Variants in SLC35F3 observed in about 807,000 individuals in gnomAD.
SLC35F3 encodes the protein solute carrier family 35 member F3, also known as putative thiamine transporter SLC35F3.
A neutral mutation model predicts 49.9 loss-of-function variants in SLC35F3; 25 were observed. That is an observed-to-expected ratio of 0.50 (90% CI 0.37 to 0.70). SLC35F3 has a LOEUF of 0.70. Among genes scored for constraint, SLC35F3 ranks in the 30% least tolerant of loss-of-function variants. SLC35F3 has a pLI of 0.00. For synonymous variants in SLC35F3, 275 were observed against 265.4 expected, an observed-to-expected ratio of 1.04 and a Z score of -0.35; for missense variants, 525 against 639.8, an observed-to-expected ratio of 0.82 and a Z score of 1.94.
chr1:234,126,229 CCTT>C (rs1665645192), intron 2 of SLC35F3, among the ~76,000 whole-genome samples: 1 of 152,192 alleles, frequency 6.6e-6, no homozygotes, highest in South Asian at 2.1e-4. Flanking sequence ...CCCCTTGAAG[CCTT>C]CTCCTCTCCC....
chr1:233,944,441 A>G (rs1349888288), intron 2 of SLC35F3, among the ~76,000 whole-genome samples: 1 of 152,146 alleles, frequency 6.6e-6, no homozygotes, highest in African/African-American at 2.4e-5. Flanking sequence ...ACAATTCTCA[A>G]TATTTTCTAG....
intron 2 of SLC35F3, among the ~76,000 whole-genome samples, chr1:233,975,044 T>C: frequency 6.6e-6 from 1 of 152,240 alleles, no homozygotes; most frequent in Non-Finnish European, 1.5e-5. Context: ...GTAGAGGCTC[T>C]GAACAAGTGA....
chr1:234,007,862 T>C (rs1177822568), intron 2 of SLC35F3, among the ~76,000 whole-genome samples: 1 of 152,200 alleles, frequency 6.6e-6, no homozygotes, highest in Non-Finnish European at 1.5e-5. Flanking sequence ...TGGAGTCCTA[T>C]TGGATCTGCA....
intron 2 of SLC35F3, among the ~76,000 whole-genome samples, chr1:233,962,988 G>A (rs1455022500): frequency 1.3e-5 from 2 of 152,222 alleles, no homozygotes; most frequent in Non-Finnish European, 2.9e-5. Context: ...TTTGTGCATA[G>A]CTGCAATCTC....
chr1:234,046,929 C>A lies in SLC35F3; in HGVS notation c.283+141171C>A, dbSNP rs1408724639. 5.3e-5 allele frequency among the ~76,000 whole-genome samples: 8 copies of A among 152,124 alleles called. No individual in the cohort carries two copies. The highest frequency in any genetic ancestry group is 1.0e-4 in the Non-Finnish European group (7 of 68,016). ...CACTGAATCTCCCTGTAATTAAGTG[C>A]CACACAACCTTAGTTACTCTAGCTG... On this transcript the variant is annotated intron_variant, in intron 2 of 7. Transcript: ENST00000366618. The surrounding 1 kb of genome is among the most constrained non-coding windows in gnomAD (Gnocchi z 4.4).
chr1:234,031,139 CT>C (rs1664056010), intron 2 of SLC35F3, among the ~76,000 whole-genome samples: 1 of 152,232 alleles, frequency 6.6e-6, no homozygotes, highest in South Asian at 2.1e-4. Context: ...TGCCAGTCCC[CT>C]CTCTTGCTCC....
chr1:233,971,350 G>A (rs1428747463), intron 2 of SLC35F3, among the ~76,000 whole-genome samples: 3 of 152,208 alleles, frequency 2.0e-5, no homozygotes, highest in Non-Finnish European at 4.4e-5. Flanking sequence ...TGTAGTGTCT[G>A]GTGACAGCAA....
In SLC35F3 at chr1:234,111,821, T is replaced by A. The variant is rs75267343; in HGVS notation, c.284-119596T>A. On this transcript the variant is annotated intron_variant, in intron 2 of 7. Transcript: ENST00000366618. ...CTAAGGAAAGAAAAGAAGACTTTTT[T>A]AAAAATAGGAGAAACAATGAGATGG... is the stretch of plus-strand genomic sequence containing the variant. Among the ~76,000 whole-genome samples, 670 of 152,282 alleles carry A rather than the reference T, an allele frequency of 4.4e-3. 2 individuals are homozygous for A. The highest frequency in any genetic ancestry group is 0.015 in the African/African-American group (621 of 41,566).
chr1:234,231,655 C>T lies in SLC35F3; in HGVS notation c.522C>T (p.Thr174=). ...DAPFTLTWFA[T]NWNFLFFPLY... ...CCTTCACCCTCACGTGGTTTGCCAC[C>T]AACTGGAACTTTTTATTCTTCCCGT... is the stretch of plus-strand genomic sequence containing the variant. Residue 174 remains threonine, a synonymous_variant, in exon 3 of 8, where the codon ACC becomes ACT. Coordinates refer to ENST00000366618, the MANE Select transcript of SLC35F3 (RefSeq NM_173508.4). The surrounding 1 kb of genome is among the most constrained non-coding windows in gnomAD (Gnocchi z 5.4). 6.2e-7 allele frequency: 1 copy of T among 1,614,188 alleles called. No homozygotes were observed. The highest frequency in any genetic ancestry group is 8.5e-7 in the Non-Finnish European group (1 of 1,180,020).
intron 2 of SLC35F3, among the ~76,000 whole-genome samples, chr1:234,028,259 A>G (rs1286523604): frequency 6.6e-6 from 1 of 152,204 alleles, no homozygotes; most frequent in Non-Finnish European, 1.5e-5. Flanking sequence ...CAGATAAAAC[A>G]GGTGAAGTAA....
chr1:234,087,396 G>A (rs1026534930), intron 2 of SLC35F3, among the ~76,000 whole-genome samples: 25 of 152,168 alleles, frequency 1.6e-4, no homozygotes, highest in Admixed American at 1.3e-3. Context: ...GGTATTATCC[G>A]AAGGTCCACA....
chr1:233,923,790 T>TAAATAGCTC (rs1452099108), intron 2 of SLC35F3, among the ~76,000 whole-genome samples: 2 of 152,214 alleles, frequency 1.3e-5, no homozygotes, highest in Non-Finnish European at 2.9e-5. Flanking sequence ...GAGTTTGTCA[T>TAAATAGCTC]AAATAGCTCT....
At chr1:233,979,071 C>T (rs1663138332) in intron 2 of SLC35F3, among the ~76,000 whole-genome samples, 1 of 149,270 alleles carries the variant, frequency 6.7e-6, no homozygotes, top group Non-Finnish European at 1.5e-5. Flanking sequence ...CAAAACAAAA[C>T]AAAAAAACAA....
intron 3 of SLC35F3, among the ~76,000 whole-genome samples, chr1:234,304,639 T>C (rs554736881): frequency 6.6e-6 from 1 of 152,312 alleles, no homozygotes; most frequent in East Asian, 1.9e-4. Flanking sequence ...TGAGGACTTA[T>C]CCAGTCAGCC....
In SLC35F3 at chr1:234,224,023, C is replaced by T. The variant is rs572361663; in HGVS notation, c.284-7394C>T. On this transcript the variant is annotated intron_variant, in intron 2 of 7. Coordinates refer to ENST00000366618, the MANE Select transcript of SLC35F3 (RefSeq NM_173508.4). ...AATCCTACAAGATTAGAATTCCATCCTTATGACCTCATTTAACCTTTTTCG... is the reference window on the plus strand; with the variant it reads ...AATCCTACAAGATTAGAATTCCATCTTTATGACCTCATTTAACCTTTTTCG... Among the ~76,000 whole-genome samples the T allele has an allele frequency of 3.3e-5, 5 of 151,930 alleles. No homozygotes were observed. The South Asian group carries it at 1.0e-3, about 32-fold the overall frequency.
At chr1:234,063,118 G>C (rs1664569812) in intron 2 of SLC35F3, among the ~76,000 whole-genome samples, 1 of 152,056 alleles carries the variant, frequency 6.6e-6, no homozygotes, top group Non-Finnish European at 1.5e-5. Flanking sequence ...TTAGTGTCCT[G>C]CCCAAAGTAG....
chr1:234,024,399 A>G (rs998435168), intron 2 of SLC35F3, among the ~76,000 whole-genome samples: 1 of 152,216 alleles, frequency 6.6e-6, no homozygotes, highest in African/African-American at 2.4e-5. Context: ...TTTGGAAGCC[A>G]TGGGAAAGTT....
chr1:234,042,737 A>G (rs1378742554), intron 2 of SLC35F3, among the ~76,000 whole-genome samples: 3 of 152,214 alleles, frequency 2.0e-5, no homozygotes, highest in Admixed American at 1.3e-4. Context: ...TATGTTCTGC[A>G]TAGTTGCAAG....
chr1:234,088,076 C>T (rs957437350), intron 2 of SLC35F3, among the ~76,000 whole-genome samples: 1 of 152,190 alleles, frequency 6.6e-6, no homozygotes, highest in African/African-American at 2.4e-5. Context: ...TCCATGAATG[C>T]AGGGGATTTC....
Sources: gnomAD v4.1 joint callset for allele counts (sites outside exome capture counted in the v4.1 genomes callset) on GRCh38, gnomAD v4.1.1 for gene constraint, Gnocchi (gnomAD v3.1) non-coding constraint, MANE v1.5 for transcripts, NCBI Gene and HGNC (gene_info 2026-07-23, HGNC 2026-07-21) for gene names.